The following PARP1 variants were observed in gnomAD, a reference collection of about 807,000 sequenced individuals.
The protein encoded by PARP1 is poly [ADP-ribose] polymerase 1.
A neutral mutation model predicts 118.7 loss-of-function variants in PARP1; 44 were observed. The ratio of observed to expected loss-of-function variants is 0.37; its 90% CI spans 0.29 to 0.48. PARP1 has a LOEUF of 0.48. PARP1 is among the 20% of genes least tolerant of loss of function. PARP1 has a pLI of 0.99. For synonymous variants in PARP1, 492 were observed against 483.2 expected (o/e 1.02, Z -0.24); for missense variants, 1,100 against 1,272.4 (o/e 0.86, Z 2.06).
chr1:226,382,974 G>A (rs991977966), intron 8 of PARP1, 62 bp downstream of exon 8: 16 of 1,552,914 alleles, frequency 1.0e-5, no homozygotes, highest in Middle Eastern at 4.5e-4. Flanking sequence ...CACACCACCA[G>A]CAAGTAGTGG....
At chr1:226,388,549 T>C in intron 5 of PARP1, 107 bp downstream of exon 5, 2 of 808,112 alleles carry the variant, frequency 2.5e-6, no homozygotes, top group Admixed American at 3.7e-5. Context: ...ATCAATTTGC[T>C]AAAGGTCTTA....
intron 18 of PARP1, 103 bp downstream of exon 18, chr1:226,365,851 A>G: frequency 6.6e-6 from 5 of 753,360 alleles, no homozygotes; most frequent in Non-Finnish European, 1.2e-5. Flanking sequence ...TGGGTTATTT[A>G]AAGTAAATAA....
chr1:226,373,540 A>C (rs993475898), intron 14 of PARP1, among the ~76,000 whole-genome samples: 5 of 152,142 alleles, frequency 3.3e-5, no homozygotes, highest in Admixed American at 6.5e-5. Context: ...GAGAGCGGAG[A>C]TGAGAAGGAG....
At chr1:226,403,430 G>C in intron 1 of PARP1, among the ~76,000 whole-genome samples, 1 of 152,174 alleles carries the variant, frequency 6.6e-6, no homozygotes, top group East Asian at 1.9e-4. Context: ...CGCCCGCCTC[G>C]GCTTCCCGAA....
intron 1 of PARP1, among the ~76,000 whole-genome samples, chr1:226,405,037 C>T (rs560568910): frequency 1.4e-4 from 22 of 152,198 alleles, no homozygotes; most frequent in Non-Finnish European, 2.5e-4. Flanking sequence ...GGCATGAGGG[C>T]TAAAGTGTCA....
chr1:226,371,981 T>A (rs548985514), intron 14 of PARP1, among the ~76,000 whole-genome samples: 1 of 152,030 alleles, frequency 6.6e-6, no homozygotes, highest in South Asian at 2.1e-4. Context: ...AGCTGCCCAG[T>A]TGAGAGAGAA....
At chr1:226,363,916 A>G (rs776856324) in intron 20 of PARP1, 27 bp downstream of exon 20, 1 of 1,612,670 alleles carries the variant, frequency 6.2e-7, no homozygotes, top group South Asian at 1.1e-5. Flanking sequence ...ATGAAATGCC[A>G]TCAGTCCCAG....
chr1:226,384,407 A>G, intron 7 of PARP1, among the ~76,000 whole-genome samples: 1 of 152,274 alleles, frequency 6.6e-6, no homozygotes, highest in East Asian at 1.9e-4. Flanking sequence ...CAACAGTGTC[A>G]CTGCCTGGGC....
intron 14 of PARP1, among the ~76,000 whole-genome samples, chr1:226,373,219 G>T (rs181591437): frequency 3.9e-5 from 6 of 152,334 alleles, no homozygotes; most frequent in African/African-American, 1.2e-4. Context: ...TGGGAAGACA[G>T]CAGAACGTGA....
At chr1:226,373,488 C>T (rs1664431768) in intron 14 of PARP1, among the ~76,000 whole-genome samples, 1 of 152,080 alleles carries the variant, frequency 6.6e-6, no homozygotes, top group Admixed American at 6.6e-5. Flanking sequence ...CTAGGAGCAG[C>T]AAGAACAAGG....
At chr1:226,390,748 T>C in intron 3 of PARP1, 124 bp from the exon 4 acceptor site, 1 of 810,414 alleles carries the variant, frequency 1.2e-6, no homozygotes, top group Non-Finnish European at 2.1e-6. Flanking sequence ...CCCGCCAACT[T>C]GAAGACTCAT....
chr1:226,386,446 T>A lies in PARP1; in HGVS notation c.718-4A>T. ...TCCAGATCAGGTCGTTCTGAGCCTA[T>A]GGACAAGACCCAGTGGCTGAGAGGC... On this transcript the variant is annotated splice_region_variant and splice_polypyrimidine_tract_variant and intron_variant, in intron 5 of 22. Coordinates refer to ENST00000366794, the MANE Select transcript of PARP1 (RefSeq NM_001618.4). The A allele has an allele frequency of 6.3e-7, 1 of 1,587,032 alleles. No individual in the cohort carries two copies. The highest frequency in any genetic ancestry group is 8.7e-7 in the Non-Finnish European group (1 of 1,155,398).
At chr1:226,378,572 G>A (rs1175537776) in intron 12 of PARP1, among the ~76,000 whole-genome samples, 2 of 152,196 alleles carry the variant, frequency 1.3e-5, no homozygotes, top group Non-Finnish European at 2.9e-5. Flanking sequence ...CTGGGGCTGG[G>A]TGCAGAGGCT....
In PARP1 at chr1:226,377,114, A is replaced by C; in HGVS notation, c.1935T>G (p.Tyr645Ter). The C allele has an allele frequency of 6.2e-7, 1 of 1,613,532 alleles. No individual in the cohort carries two copies. The highest frequency in any genetic ancestry group is 8.5e-7 in the Non-Finnish European group (1 of 1,179,796). The change falls in exon 13 of 23, where the codon TAT becomes TAG. Residue 645 changes from tyrosine (Y) to a stop codon, truncating the protein, a stop_gained. Transcript: ENST00000366794. LOFTEE classifies it high-confidence loss of function. ...PKKFYPLEID[Y>*]GQDEEAVKKL... The stretch of plus-strand genomic sequence containing the variant: ...AAGGGCATTATGTGGTTACCTGGCC[A>C]TAGTCAATCTCCAGGGGGTAGAACT...
At position 226,407,899 on chromosome 1, in the gene PARP1, C is replaced by T. The variant is rs1488383078; in HGVS notation, c.31G>A (p.Val11Ile). The change falls in exon 1 of 23, where the codon GTC (valine) becomes ATC (isoleucine). Residue 11 changes from valine to isoleucine, a missense_variant. Transcript: ENST00000366794. MAESSDKLYR[V>I]EYAKSGRASC... Reference sequence around the variant, plus strand: ...GCGCGCCCGCTCTTGGCGTACTCGACTCGATAGAGCTTATCCGAAGACTCC... The same window carrying T: ...GCGCGCCCGCTCTTGGCGTACTCGATTCGATAGAGCTTATCCGAAGACTCC... 1 of 1,612,270 alleles carries T rather than the reference C, an allele frequency of 6.2e-7. No individual in the cohort carries two copies. The highest frequency in any genetic ancestry group is 8.5e-7 in the Non-Finnish European group (1 of 1,179,128).
intron 2 of PARP1, among the ~76,000 whole-genome samples, chr1:226,397,970 A>T (rs1664958481): frequency 6.6e-6 from 1 of 152,152 alleles, no homozygotes; most frequent in Non-Finnish European, 1.5e-5. Flanking sequence ...CGAAAAAAAA[A>T]AAAGAAAAAA....
intron 2 of PARP1, among the ~76,000 whole-genome samples, chr1:226,394,308 G>C (rs1344883928): frequency 6.6e-6 from 1 of 152,234 alleles, no homozygotes; most frequent in Non-Finnish European, 1.5e-5. Flanking sequence ...AGTGAGCTAG[G>C]ATCGTGCAAC....
chr1:226,368,840 A>T (rs995382397), intron 15 of PARP1, among the ~76,000 whole-genome samples: 2 of 152,132 alleles, frequency 1.3e-5, no homozygotes, highest in African/African-American at 4.8e-5. Context: ...CAATCCTTAC[A>T]CTCACTGCCA....
intron 1 of PARP1, 93 bp downstream of exon 1, chr1:226,407,715 GCT>G: frequency 6.2e-6 from 8 of 1,297,724 alleles, no homozygotes; most frequent in Non-Finnish European, 4.1e-6. Flanking sequence ...GCCCGGGCCC[GCT>G]CGCTCCCTGG....
Sources: allele counts gnomAD v4.1 joint callset (sites outside exome capture counted in the v4.1 genomes callset), GRCh38; gene constraint gnomAD v4.1.1; transcripts MANE v1.5; gene names NCBI Gene and HGNC (gene_info 2026-07-23, HGNC 2026-07-21).